Variants in UGDH observed in about 807,000 individuals in gnomAD.
The protein encoded by UGDH is UDP-glucose 6-dehydrogenase.
UGDH carries 38 observed loss-of-function variants against 50.6 expected under a neutral mutation model. The ratio of observed to expected loss-of-function variants is 0.75; its 90% CI spans 0.58 to 0.98. UGDH has a LOEUF of 0.98. Among genes scored for constraint, UGDH ranks in the 50% least tolerant of loss-of-function variants. The probability of loss-of-function intolerance (pLI) is 0.00; values close to 1 mark genes in which losing one functional copy is unlikely to be tolerated. For missense variants in UGDH, 465 were observed against 606.2 expected, an observed-to-expected ratio of 0.77 and a Z score of 2.45; for synonymous variants, 168 against 199.9, an observed-to-expected ratio of 0.84 and a Z score of 1.35.
chr4:39,510,238 C>G, intron 5 of UGDH, 115 bp downstream of exon 5: 1 of 1,072,388 alleles, frequency 9.3e-7, no homozygotes, highest in African/African-American at 1.6e-5. Context: ...AGAATATGAT[C>G]TTCAAAAGCA....
At chr4:39,504,695 C>A (rs1020538126) in intron 9 of UGDH, among the ~76,000 whole-genome samples, 187 bp from the exon 10 acceptor site, 5 of 152,132 alleles carry the variant, frequency 3.3e-5, no homozygotes, top group Non-Finnish European at 7.3e-5. Context: ...CCAAAAGTTA[C>A]TAAGTGACTA....
Position 39,505,536 on chromosome 4 carries a change from T to C in UGDH, c.1037+82A>G, listed in dbSNP as rs1745992222. The C allele has an allele frequency of 3.9e-6, 5 of 1,298,694 alleles. 1 individual carries two copies. The highest frequency in any genetic ancestry group is 5.6e-4 in the Middle Eastern group (2 of 3,554). 80.4% of individuals were successfully genotyped at this position (1,298,694 alleles called of 1,614,324 possible). The stretch of plus-strand genomic sequence containing the variant: ...ATTTTATATATATACATGTATTTTA[T>C]GTACACCTACCCCAATCAAAAAATT... On this transcript the variant is annotated intron_variant, in intron 8 of 11. Coordinates refer to ENST00000316423, the MANE Select transcript of UGDH (RefSeq NM_003359.4).
Position 39,508,459 on chromosome 4 carries a change from C to T in UGDH, c.906+107G>A. On this transcript the variant is annotated intron_variant, in intron 7 of 11. Transcript: ENST00000316423. ...ATGTTGCCCAGGCCAGTCCCAAATTCCTGGCCTCAAGTGATGCTCTTGCCT... is the reference window on the plus strand; with the variant it reads ...ATGTTGCCCAGGCCAGTCCCAAATTTCTGGCCTCAAGTGATGCTCTTGCCT... The T allele has an allele frequency of 3.6e-6, 4 of 1,102,158 alleles. No individual in the cohort carries two copies. In the South Asian group the frequency reaches 4.2e-5, roughly 12 times the overall value. The allele number at this position is 1,102,158 out of a possible 1,614,324, so 68.3% of individuals were successfully genotyped here. A position where few individuals can be genotyped will look rare whatever the true frequency, so the allele number is the denominator to read the frequency against.
Position 39,500,210 on chromosome 4 carries a change from T to A in UGDH, c.1418A>T (p.Tyr473Phe). The A allele has an allele frequency of 6.2e-7, 1 of 1,605,058 alleles. No homozygotes were observed. The change falls in exon 12 of 12, where the codon TAT becomes TTT. Residue 473 changes from tyrosine (Y) to phenylalanine (F), a missense_variant. By Grantham distance (22) the Tyr-to-Phe change is conservative. Transcript: ENST00000316423. ...GKKVSSKRIP[Y>F]APSGEIPKFS... ...CTTCGGAATTTCACCAGAAGGAGCA[T>A]ATGGAATTCTCTTTGAAGACACCTT...
At chr4:39,508,190 C>T (rs2109925595) in intron 7 of UGDH, among the ~76,000 whole-genome samples, 1 of 152,226 alleles carries the variant, frequency 6.6e-6, no homozygotes, top group African/African-American at 2.4e-5. Context: ...AAGTGACATG[C>T]TTAATGAGAA....
intron 1 of UGDH, among the ~76,000 whole-genome samples, chr4:39,525,142 C>T (rs1746822658): frequency 6.6e-6 from 1 of 152,236 alleles, no homozygotes; most frequent in African/African-American, 2.4e-5. Context: ...TGGAGTTTGA[C>T]ATAGTGTTAG....
At chr4:39,505,116 T>A (rs1745975573) in intron 9 of UGDH, 121 bp downstream of exon 9, 1 of 930,756 alleles carries the variant, frequency 1.1e-6, no homozygotes, top group Non-Finnish European at 1.5e-6. Flanking sequence ...TTCAGAGAAA[T>A]GAGGTTGAAA....
intron 1 of UGDH, among the ~76,000 whole-genome samples, chr4:39,523,904 CCCTT>C (rs1395952513): frequency 1.3e-5 from 2 of 152,156 alleles, no homozygotes; most frequent in Admixed American, 6.5e-5. Context: ...TCACTCCAAC[CCCTT>C]CCTTATCTAC....
At chr4:39,510,992 A>G in intron 3 of UGDH, 131 bp from the exon 4 acceptor site, 1 of 739,226 alleles carries the variant, frequency 1.4e-6, no homozygotes, top group Non-Finnish European at 2.2e-6. Context: ...TGTTAGTTCC[A>G]TAGAAATAAT....
At chr4:39,510,309 TA>T (rs935837317) in intron 5 of UGDH, 43 bp downstream of exon 5, 1 of 1,581,728 alleles carries the variant, frequency 6.3e-7, no homozygotes, top group African/African-American at 1.3e-5. Context: ...AATAAATAAA[TA>T]TTTGGCTTTA....
chr4:39,518,792 C>T (rs533864541), intron 2 of UGDH, among the ~76,000 whole-genome samples: 1 of 152,114 alleles, frequency 6.6e-6, no homozygotes, highest in East Asian at 1.9e-4. Flanking sequence ...CTATCAAACA[C>T]GTCTGCCAAG....
intron 3 of UGDH, among the ~76,000 whole-genome samples, chr4:39,511,498 GGT>G (rs1746245536): frequency 6.6e-6 from 1 of 151,812 alleles, no homozygotes; most frequent in South Asian, 2.1e-4. Flanking sequence ...CCTGACCTCA[GGT>G]GATCTGTCCA....
At chr4:39,511,095 C>T (rs1746227990) in intron 3 of UGDH, among the ~76,000 whole-genome samples, 1 of 152,130 alleles carries the variant, frequency 6.6e-6, no homozygotes, top group African/African-American at 2.4e-5. Flanking sequence ...TATCTATATG[C>T]CGGATAACTA....
intron 1 of UGDH, among the ~76,000 whole-genome samples, chr4:39,526,224 C>T (rs1746883567): frequency 6.6e-6 from 1 of 151,952 alleles, no homozygotes; most frequent in Admixed American, 6.6e-5. Flanking sequence ...GTAAGAAAGC[C>T]GGTATTAATT....
chr4:39,509,200 A>G (rs760601370), intron 6 of UGDH, among the ~76,000 whole-genome samples: 10 of 150,736 alleles, frequency 6.6e-5, no homozygotes, highest in East Asian at 2.0e-4. Context: ...GGCTGGTCTC[A>G]AACTCCTAGG....
At chr4:39,508,747 A>G in intron 6 of UGDH, 87 bp from the exon 7 acceptor site, 4 of 1,098,848 alleles carry the variant, frequency 3.6e-6, no homozygotes, top group Non-Finnish European at 5.1e-6. Flanking sequence ...TAAATCAGAA[A>G]GCTTATACTA....
intron 11 of UGDH, among the ~76,000 whole-genome samples, chr4:39,501,590 T>C (rs1158589387): frequency 6.6e-6 from 1 of 152,190 alleles, no homozygotes; most frequent in Non-Finnish European, 1.5e-5. Context: ...TTCTTAAGAA[T>C]TCAGACTTCA....
At chr4:39,506,990 T>C (rs1481358535) in intron 7 of UGDH, among the ~76,000 whole-genome samples, 1 of 152,188 alleles carries the variant, frequency 6.6e-6, no homozygotes, top group African/African-American at 2.4e-5. Context: ...AGACCCTGTC[T>C]CTAAAAAGTA....
rs1745953985 is a variant in UGDH at position 39,504,510 on chromosome 4, T to G, written c.1172-2A>C. ...TGGAAATGGTCACGAGCCGGGACAC[T>G]GTAACAATAGCAACAACAAAAAAAC... On this transcript the variant is annotated splice_acceptor_variant, in intron 9 of 11. Coordinates refer to ENST00000316423, the MANE Select transcript of UGDH (RefSeq NM_003359.4). LOFTEE classifies it high-confidence loss of function. 1 of 1,613,102 alleles carries G rather than the reference T, an allele frequency of 6.2e-7. No homozygotes were observed. Among genetic ancestry groups the G allele is most frequent in the Non-Finnish European group, 8.5e-7 (1 of 1,179,386 alleles).
Sources: gnomAD v4.1 joint callset for allele counts (sites outside exome capture counted in the v4.1 genomes callset) on GRCh38, gnomAD v4.1.1 for gene constraint, MANE v1.5 for transcripts, NCBI Gene and HGNC (gene_info 2026-07-23, HGNC 2026-07-21) for gene names.